COMMD10: variants seen among roughly 807,000 people sequenced by gnomAD.
The protein encoded by COMMD10 is COMM domain containing 10.
COMMD10 carries 33 observed loss-of-function variants against 28.9 expected under a neutral mutation model. That is an observed-to-expected ratio of 1.14 (90% CI 0.87 to 1.53). The LOEUF (loss-of-function observed/expected upper bound fraction) is 1.53. Ranked by LOEUF, COMMD10 falls within the 40% of genes most tolerant of loss-of-function variation. The probability of loss-of-function intolerance (pLI) is 0.00; values close to 1 mark genes in which losing one functional copy is unlikely to be tolerated. For missense variants in COMMD10, 310 were observed against 233.4 expected (o/e 1.33, Z -2.14); for synonymous variants, 110 against 81.7 (o/e 1.35, Z -1.87).
chr5:116,092,900 T>C (rs1438821165), intron 4 of COMMD10, among the ~76,000 whole-genome samples, 200 bp downstream of exon 4: 2 of 152,056 alleles, frequency 1.3e-5, no homozygotes, highest in Non-Finnish European at 2.9e-5. Flanking sequence ...AAAAACAGAG[T>C]ACACTCTAGA....
At position 116,088,562 on chromosome 5, in the gene COMMD10, T is replaced by C. The variant is rs1328349936; in HGVS notation, c.132+975T>C. ...TCCTTAACATTGCGTACAAGTCCCA[T>C]TGTAGTATGGCTGCAGTCTACATTC... On this transcript the variant is annotated intron_variant, in intron 2 of 6. Transcript: ENST00000274458. Among the ~76,000 whole-genome samples, 5 of 152,234 alleles carry C rather than the reference T, an allele frequency of 3.3e-5. No individual in the cohort carries two copies. In the East Asian group the frequency reaches 9.6e-4, roughly 29 times the overall value.
intron 5 of COMMD10, among the ~76,000 whole-genome samples, chr5:116,175,776 A>G (rs1305820632): frequency 1.3e-5 from 2 of 152,182 alleles, no homozygotes; most frequent in Non-Finnish European, 2.9e-5. Context: ...CAGTCACAAA[A>G]GGACAAATGT....
chr5:116,185,921 A>G lies in COMMD10; in HGVS notation c.510+51743A>G, dbSNP rs148284145. Reference sequence around the variant, plus strand: ...CCCATTAGTCTTCTCTGTACCAACCAGCAAGAACTCTGACCCTGGATGAAT... The same window carrying G: ...CCCATTAGTCTTCTCTGTACCAACCGGCAAGAACTCTGACCCTGGATGAAT... On this transcript the variant is annotated intron_variant, in intron 5 of 6. Coordinates refer to ENST00000274458, the MANE Select transcript of COMMD10 (RefSeq NM_016144.4). Among the ~76,000 whole-genome samples, 458 of 152,212 alleles carry G rather than the reference A, an allele frequency of 3.0e-3. 2 individuals carry two copies. The highest frequency in any genetic ancestry group is 5.6e-3 in the Admixed American group (85 of 15,254).
chr5:116,213,704 C>T (rs1372479201), intron 5 of COMMD10, among the ~76,000 whole-genome samples: 1 of 151,862 alleles, frequency 6.6e-6, no homozygotes. Flanking sequence ...ACTTAGATAC[C>T]ATATATTTTT....
Position 116,172,387 on chromosome 5 carries a change from T to A in COMMD10, c.510+38209T>A, listed in dbSNP as rs144179143. Among the ~76,000 whole-genome samples the A allele has an allele frequency of 4.7e-4, 71 of 152,194 alleles. 1 individual carries two copies. In the East Asian group the frequency reaches 0.01, roughly 22 times the overall value. On this transcript the variant is annotated intron_variant, in intron 5 of 6. Transcript: ENST00000274458. ...AGAAAAATACTATGATGATACTAAT[T>A]GTGTTTTGTAGGAATATGGATGCTG...
At chr5:116,199,137 T>C (rs1748601249) in intron 5 of COMMD10, among the ~76,000 whole-genome samples, 1 of 152,194 alleles carries the variant, frequency 6.6e-6, no homozygotes, top group Admixed American at 6.6e-5. Flanking sequence ...GTCAGTGTTC[T>C]AGATTTTGGC....
intron 5 of COMMD10, among the ~76,000 whole-genome samples, chr5:116,168,190 G>C (rs956694204): frequency 1.4e-5 from 2 of 147,254 alleles, no homozygotes; most frequent in Non-Finnish European, 3.0e-5. Context: ...TGCAGTCCTA[G>C]TGTCAGATAA....
In COMMD10 at chr5:116,264,020, G is replaced by T. The variant is rs141901396; in HGVS notation, c.511-27497G>T. On this transcript the variant is annotated intron_variant, in intron 5 of 6. Coordinates refer to ENST00000274458, the MANE Select transcript of COMMD10 (RefSeq NM_016144.4). ...AAACCGTACTTCCTGAAAAGATTAA[G>T]AGTTAGACAGCTAGACTTTATTCAG... Among the ~76,000 whole-genome samples the T allele has an allele frequency of 7.9e-5, 12 of 151,870 alleles. 1 individual carries two copies. Among genetic ancestry groups the T allele is most frequent in the African/African-American group, 2.9e-4 (12 of 41,258 alleles).
chr5:116,233,603 C>T (rs984772939), intron 5 of COMMD10, among the ~76,000 whole-genome samples: 1 of 152,116 alleles, frequency 6.6e-6, no homozygotes, highest in African/African-American at 2.4e-5. Flanking sequence ...CAAGGAAGAC[C>T]TCACTGATAA....
intron 4 of COMMD10, among the ~76,000 whole-genome samples, chr5:116,123,383 G>A (rs187496101): frequency 2.2e-4 from 33 of 152,252 alleles, no homozygotes; most frequent in East Asian, 9.7e-4. Context: ...ATTGATTGGC[G>A]TATGTTGAAC....
chr5:116,151,515 AT>A (rs1752527581), intron 5 of COMMD10, among the ~76,000 whole-genome samples: 2 of 152,138 alleles, frequency 1.3e-5, no homozygotes, highest in African/African-American at 4.8e-5. Context: ...TAAGCTATTG[AT>A]TATTGCCACA....
At chr5:116,089,974 A>G (rs1170194271) in intron 2 of COMMD10, among the ~76,000 whole-genome samples, 1 of 152,160 alleles carries the variant, frequency 6.6e-6, no homozygotes, top group Non-Finnish European at 1.5e-5. Context: ...TTACCTTGAG[A>G]CAGAATTCTT....
At chr5:116,091,400 T>C (rs1398904672) in intron 3 of COMMD10, among the ~76,000 whole-genome samples, 1 of 152,222 alleles carries the variant, frequency 6.6e-6, no homozygotes, top group African/African-American at 2.4e-5. Flanking sequence ...GAGACAGTTA[T>C]ACAAGATTTT....
intron 5 of COMMD10, among the ~76,000 whole-genome samples, chr5:116,254,184 C>G (rs1029071907): frequency 4.6e-5 from 7 of 151,666 alleles, no homozygotes; most frequent in African/African-American, 1.7e-4. Flanking sequence ...TGATTCTTCT[C>G]TCTTTTTTTC....
At chr5:116,114,744 G>A (rs12515308) in intron 4 of COMMD10, among the ~76,000 whole-genome samples, 16,095 of 152,218 alleles carry the variant, frequency 0.11, 949 homozygotes, top group African/African-American at 0.15. Context: ...GGCAAGTGGG[G>A]AATCTGTGTC....
intron 5 of COMMD10, among the ~76,000 whole-genome samples, chr5:116,203,584 T>G (rs1276774996): frequency 6.6e-6 from 1 of 151,996 alleles, no homozygotes; most frequent in African/African-American, 2.4e-5. Context: ...GGGGCCAATA[T>G]TCAACATTCT....
chr5:116,205,472 A>C (rs1026257444), intron 5 of COMMD10, among the ~76,000 whole-genome samples: 2 of 152,180 alleles, frequency 1.3e-5, no homozygotes, highest in Admixed American at 1.3e-4. Flanking sequence ...TTTTATTAGG[A>C]AACTTTTCTA....
chr5:116,129,097 T>A lies in COMMD10; in HGVS notation c.400-4971T>A, dbSNP rs533556298. Among the ~76,000 whole-genome samples the A allele has an allele frequency of 1.3e-4, 20 of 151,956 alleles. No individual in the cohort carries two copies. The South Asian group carries it at 4.1e-3, about 32-fold the overall frequency. On this transcript the variant is annotated intron_variant, in intron 4 of 6. Coordinates refer to ENST00000274458, the MANE Select transcript of COMMD10 (RefSeq NM_016144.4). ...CACGTGAGACTTTCTCCACTTTGAT[T>A]CAGTATCTACTGATGATTCTTACTT...
chr5:116,287,533 A>G (rs2112714799), intron 5 of COMMD10, among the ~76,000 whole-genome samples: 1 of 151,910 alleles, frequency 6.6e-6, no homozygotes, highest in African/African-American at 2.4e-5. Context: ...CCAGTTAACC[A>G]GCCTGTATCT....
Sources: gnomAD v4.1 joint callset for allele counts (sites outside exome capture counted in the v4.1 genomes callset) on GRCh38, gnomAD v4.1.1 for gene constraint, MANE v1.5 for transcripts, NCBI Gene and HGNC (gene_info 2026-07-23, HGNC 2026-07-21) for gene names.